XKR6: variants seen among roughly 807,000 people sequenced by gnomAD.
XKR6 encodes the protein XK-related protein 6.
In XKR6, 22 loss-of-function variants were observed where a neutral mutation model predicts 56.7. The observed-to-expected ratio is 0.39, with a 90% CI of 0.28 to 0.55. XKR6 has a LOEUF of 0.55. Ranked by LOEUF, XKR6 falls within the 20% of genes least tolerant of loss-of-function variation. The pLI is 0.66. For missense variants in XKR6, 852 were observed against 889.0 expected (o/e 0.96, Z 0.53); for synonymous variants, 524 against 387.8 (o/e 1.35, Z -4.13).
chr8:11,109,343 T>G (rs1798800900), intron 1 of XKR6: 1 of 152,218 alleles, frequency 6.6e-6, no homozygotes, highest in Non-Finnish European at 1.5e-5. Flanking sequence ...TTAACAATAT[T>G]TCCCTAATAT....
intron 1 of XKR6, among the ~76,000 whole-genome samples, chr8:11,099,024 C>T (rs1438739272): frequency 6.6e-6 from 1 of 152,090 alleles, no homozygotes; most frequent in Non-Finnish European, 1.5e-5. Flanking sequence ...GCTTCTTCCC[C>T]CTTCCCTAGC....
chr8:11,085,260 T>C (rs930344099), intron 1 of XKR6, among the ~76,000 whole-genome samples: 3 of 152,144 alleles, frequency 2.0e-5, no homozygotes, highest in African/African-American at 7.2e-5. Flanking sequence ...GGAGCCTCAT[T>C]GTCTCTCTAA....
chr8:10,971,688 C>T (rs1015425338), intron 1 of XKR6, among the ~76,000 whole-genome samples: 11 of 152,110 alleles, frequency 7.2e-5, no homozygotes, highest in Admixed American at 6.5e-4. Context: ...TTCTCAGGAC[C>T]ATGGAAATAT....
intron 1 of XKR6, among the ~76,000 whole-genome samples, chr8:11,000,563 T>A (rs1798215023): frequency 6.6e-6 from 1 of 152,082 alleles, no homozygotes; most frequent in South Asian, 2.1e-4. Context: ...CACACGCCTG[T>A]AGTCCCAGCT....
chr8:11,192,629 T>C (rs1293217201), intron 1 of XKR6, among the ~76,000 whole-genome samples: 1 of 152,022 alleles, frequency 6.6e-6, no homozygotes, highest in Non-Finnish European at 1.5e-5. Context: ...GAAAAAAAAT[T>C]ACTGAAGCCA....
intron 1 of XKR6, among the ~76,000 whole-genome samples, chr8:10,957,464 G>A (rs56112432): frequency 0.072 from 11,005 of 152,188 alleles, 418 homozygotes; most frequent in Middle Eastern, 0.13. Context: ...GGCCCATGGT[G>A]TGCCCCTCTC....
chr8:10,899,213 T>C (rs1799969548), intron 2 of XKR6, among the ~76,000 whole-genome samples: 1 of 152,244 alleles, frequency 6.6e-6, no homozygotes, highest in South Asian at 2.1e-4. Context: ...ACGTCTGCCA[T>C]GGGCAGCCCT....
chr8:11,072,271 G>A (rs1586507365), intron 1 of XKR6, among the ~76,000 whole-genome samples: 1 of 151,934 alleles, frequency 6.6e-6, no homozygotes, highest in Non-Finnish European at 1.5e-5. Flanking sequence ...AGGCAGCAGG[G>A]CTCCACCCCC....
intron 2 of XKR6, among the ~76,000 whole-genome samples, chr8:10,911,353 G>GTA (rs1227899362): frequency 3.7e-4 from 54 of 144,066 alleles, no homozygotes; most frequent in African/African-American, 1.4e-3. Flanking sequence ...GTGTGTGTGT[G>GTA]TGTATATATA....
intron 1 of XKR6, among the ~76,000 whole-genome samples, chr8:10,981,532 G>A (rs1436678165): frequency 6.6e-6 from 1 of 152,218 alleles, no homozygotes; most frequent in Non-Finnish European, 1.5e-5. Flanking sequence ...GAAAGAAGTA[G>A]TTCAAAAGCA....
intron 1 of XKR6, among the ~76,000 whole-genome samples, chr8:11,090,749 T>C (rs554954737): frequency 6.8e-6 from 1 of 147,512 alleles, no homozygotes; most frequent in East Asian, 1.9e-4. Flanking sequence ...CTTATTGGGT[T>C]GAAGGAGGTT....
intron 1 of XKR6, among the ~76,000 whole-genome samples, chr8:11,180,371 T>G (rs1043085197): frequency 1.2e-4 from 18 of 152,096 alleles, no homozygotes; most frequent in African/African-American, 3.9e-4. Flanking sequence ...ACTAAAAAAT[T>G]CTTTGTGGTG....
chr8:11,166,240 G>A (rs1342040066), intron 1 of XKR6, among the ~76,000 whole-genome samples: 2 of 152,174 alleles, frequency 1.3e-5, no homozygotes, highest in Non-Finnish European at 2.9e-5. Flanking sequence ...TTACTATAAA[G>A]TTGTATATAA....
chr8:11,094,324 G>A (rs533333735), intron 1 of XKR6, among the ~76,000 whole-genome samples: 4 of 152,174 alleles, frequency 2.6e-5, no homozygotes, highest in South Asian at 4.2e-4. Flanking sequence ...GAGTACCAGC[G>A]ATTACAGGTG....
At chr8:11,120,125 G>C (rs1305913259) in intron 1 of XKR6, among the ~76,000 whole-genome samples, 6 of 152,190 alleles carry the variant, frequency 3.9e-5, no homozygotes, top group African/African-American at 9.7e-5. Flanking sequence ...AAAACTGGCA[G>C]AAGACAGGGA....
intron 1 of XKR6, among the ~76,000 whole-genome samples, chr8:11,144,331 C>T (rs1204048344): frequency 6.7e-6 from 1 of 149,326 alleles, no homozygotes; most frequent in African/African-American, 2.5e-5. Flanking sequence ...GCGGGTATAA[C>T]CCCAGAAGGA....
intron 1 of XKR6, among the ~76,000 whole-genome samples, chr8:10,998,707 C>G (rs1180330283): frequency 6.6e-6 from 1 of 152,196 alleles, no homozygotes; most frequent in South Asian, 2.1e-4. Flanking sequence ...CCACTTCTCC[C>G]AGCCAGCTCC....
chr8:11,190,593 G>C (rs1005050262), intron 1 of XKR6, among the ~76,000 whole-genome samples: 17 of 152,182 alleles, frequency 1.1e-4, no homozygotes, highest in Non-Finnish European at 2.9e-5. Flanking sequence ...AGACTTACAA[G>C]CCTACCCTAA....
At chr8:11,052,156 A>G (rs1799566048) in intron 1 of XKR6, among the ~76,000 whole-genome samples, 1 of 151,974 alleles carries the variant, frequency 6.6e-6, no homozygotes, top group African/African-American at 2.4e-5. Context: ...CCACTCTCCA[A>G]GCAGGTTCCC....
Sources: gnomAD v4.1 joint callset for allele counts (sites outside exome capture counted in the v4.1 genomes callset) on GRCh38, gnomAD v4.1.1 for gene constraint, MANE v1.5 for transcripts, NCBI Gene and HGNC (gene_info 2026-07-23, HGNC 2026-07-21) for gene names.